DLGAP2: variants seen among roughly 807,000 people sequenced by gnomAD.
DLGAP2 encodes the protein DLG associated protein 2.
In DLGAP2, 26 loss-of-function variants were observed where a neutral mutation model predicts 100.3. The ratio of observed to expected loss-of-function variants is 0.26; its 90% CI spans 0.19 to 0.36. DLGAP2 has a LOEUF of 0.36. DLGAP2 is among the 10% of genes least tolerant of loss of function. The probability of loss-of-function intolerance (pLI) is 1.00; values close to 1 mark genes in which losing one functional copy is unlikely to be tolerated. For synonymous variants in DLGAP2, 886 were observed against 630.1 expected, an observed-to-expected ratio of 1.41 and a Z score of -6.08; for missense variants, 1,858 against 1,453.2, an observed-to-expected ratio of 1.28 and a Z score of -4.53.
At chr8:754,396 G>A (rs1481067318) in intron 1 of DLGAP2, 1 of 152,218 alleles carries the variant, frequency 6.6e-6, no homozygotes, top group Non-Finnish European at 1.5e-5. Context: ...GACACTTTCG[G>A]CCTGGGTTTT....
intron 13 of DLGAP2, among the ~76,000 whole-genome samples, chr8:1,693,939 G>A (rs1799316078): frequency 1.3e-5 from 2 of 152,124 alleles, no homozygotes; most frequent in African/African-American, 2.4e-5. Context: ...GGCCACTGAC[G>A]AACTCTGTGT....
At chr8:1,177,813 C>A (rs1251471244) in intron 2 of DLGAP2, among the ~76,000 whole-genome samples, 1 of 152,166 alleles carries the variant, frequency 6.6e-6, no homozygotes, top group Non-Finnish European at 1.5e-5. Flanking sequence ...TGAGGGAGCT[C>A]TCCAGGGCCT....
At chr8:1,273,601 G>C (rs906664212) in intron 3 of DLGAP2, among the ~76,000 whole-genome samples, 1 of 152,206 alleles carries the variant, frequency 6.6e-6, no homozygotes, top group African/African-American at 2.4e-5. Context: ...TGCAGAGGCA[G>C]CTCCATCCTT....
chr8:1,509,342 A>C (rs1272030360), intron 4 of DLGAP2, among the ~76,000 whole-genome samples: 2 of 139,888 alleles, frequency 1.4e-5, no homozygotes, highest in Non-Finnish European at 3.1e-5. Context: ...AAAAAAAAAA[A>C]AACCGTATAG....
Position 931,162 on chromosome 8 carries a change from C to T in DLGAP2, c.73+23196C>T, listed in dbSNP as rs540837867. On this transcript the variant is annotated intron_variant, in intron 2 of 14. Transcript: ENST00000637795. ...GTCAGCTGAAGTCCAGGCACTGAGG[C>T]CACTGCCCTACTGAATCTTGCTCCT... 2.0e-5 allele frequency among the ~76,000 whole-genome samples: 3 copies of T among 152,252 alleles called. No individual in the cohort carries two copies. In the South Asian group the frequency reaches 6.2e-4, roughly 32 times the overall value.
At chr8:1,279,286 C>G (rs747911897) in intron 3 of DLGAP2, among the ~76,000 whole-genome samples, 2 of 152,174 alleles carry the variant, frequency 1.3e-5, no homozygotes, top group Non-Finnish European at 2.9e-5. Context: ...GTTCTAGAAT[C>G]TTCTTCACCT....
intron 2 of DLGAP2, among the ~76,000 whole-genome samples, chr8:1,258,318 G>T (rs570486235): frequency 2.0e-5 from 3 of 152,238 alleles, no homozygotes; most frequent in East Asian, 3.9e-4. Context: ...TATATTCGCT[G>T]TGTGCATGTG....
intron 2 of DLGAP2, among the ~76,000 whole-genome samples, chr8:1,148,196 T>A (rs1230823899): frequency 6.6e-6 from 1 of 152,174 alleles, no homozygotes; most frequent in Non-Finnish European, 1.5e-5. Context: ...TTATAAGTTG[T>A]GTTTTCCAAG....
chr8:1,212,151 A>C (rs1420956402), intron 2 of DLGAP2, among the ~76,000 whole-genome samples: 2 of 152,234 alleles, frequency 1.3e-5, no homozygotes, highest in Non-Finnish European at 2.9e-5. Flanking sequence ...TGAAATCACA[A>C]GAAAAGGGCA....
intron 3 of DLGAP2, among the ~76,000 whole-genome samples, chr8:1,352,358 A>G (rs1801755297): frequency 6.6e-6 from 1 of 151,910 alleles, no homozygotes; most frequent in African/African-American, 2.4e-5. Flanking sequence ...TCCTGTCCCC[A>G]GCGACTCCCC....
chr8:802,923 T>C (rs1277141837), intron 1 of DLGAP2, among the ~76,000 whole-genome samples: 1 of 152,072 alleles, frequency 6.6e-6, no homozygotes, highest in Non-Finnish European at 1.5e-5. Flanking sequence ...ATTTTACACA[T>C]AGTCTAAATA....
intron 3 of DLGAP2, among the ~76,000 whole-genome samples, chr8:1,279,717 A>T (rs1799777497): frequency 6.6e-6 from 1 of 152,044 alleles, no homozygotes; most frequent in South Asian, 2.1e-4. Context: ...AGCTGGTAAG[A>T]TTTATTTCCT....
intron 1 of DLGAP2, among the ~76,000 whole-genome samples, chr8:759,471 C>A (rs892007223): frequency 6.6e-6 from 1 of 151,938 alleles, no homozygotes; most frequent in Non-Finnish European, 1.5e-5. Context: ...AGGTGTGTGA[C>A]CAGCACTCCG....
At chr8:1,036,891 C>G (rs1178469284) in intron 2 of DLGAP2, among the ~76,000 whole-genome samples, 1 of 152,130 alleles carries the variant, frequency 6.6e-6, no homozygotes, top group Non-Finnish European at 1.5e-5. Context: ...ACATAAGCTG[C>G]TTTTTTTAGG....
At chr8:1,457,336 A>T (rs923356389) in intron 3 of DLGAP2, among the ~76,000 whole-genome samples, 1 of 152,142 alleles carries the variant, frequency 6.6e-6, no homozygotes, top group African/African-American at 2.4e-5. Flanking sequence ...AAACGTCTCC[A>T]CTAGATTTCT....
intron 1 of DLGAP2, among the ~76,000 whole-genome samples, chr8:774,416 C>G (rs79054746): frequency 0.14 from 22,041 of 152,142 alleles, 2,207 homozygotes; most frequent in East Asian, 0.55. Context: ...GACATGAAGT[C>G]CTTGCCTATG....
chr8:1,480,717 C>A (rs1359564793), intron 3 of DLGAP2, among the ~76,000 whole-genome samples: 1 of 151,004 alleles, frequency 6.6e-6, no homozygotes, highest in East Asian at 1.9e-4. Flanking sequence ...ACCTACAAAA[C>A]TAGCCAGGCA....
intron 2 of DLGAP2, among the ~76,000 whole-genome samples, chr8:1,036,513 G>A (rs1802129828): frequency 6.6e-6 from 1 of 152,228 alleles, no homozygotes; most frequent in Admixed American, 6.5e-5. Flanking sequence ...TCTCTGCTTT[G>A]TGGATGGAAG....
At position 903,806 on chromosome 8, in the gene DLGAP2, C is replaced by T. The variant is rs188766419; in HGVS notation, c.19-4106C>T. The stretch of plus-strand genomic sequence containing the variant: ...AATAGAGTCTTGGGGGAAACCAAGT[C>T]GGCACATTTCTGTTAAGTCACCTGA... On this transcript the variant is annotated intron_variant, in intron 1 of 14. Transcript: ENST00000637795. 7.9e-5 allele frequency among the ~76,000 whole-genome samples: 12 copies of T among 152,300 alleles called. No individual in the cohort carries two copies. In the East Asian group the frequency reaches 2.1e-3, roughly 27 times the overall value.
Sources: gnomAD v4.1 joint callset for allele counts (sites outside exome capture counted in the v4.1 genomes callset) on GRCh38, gnomAD v4.1.1 for gene constraint, MANE v1.5 for transcripts, NCBI Gene and HGNC (gene_info 2026-07-23, HGNC 2026-07-21) for gene names.